TACC2: variants seen among roughly 807,000 people sequenced by gnomAD.
The protein encoded by TACC2 is transforming acidic coiled-coil containing protein 2, also known as transforming acidic coiled-coil-containing protein 2.
TACC2 carries 137 observed loss-of-function variants against 227.3 expected under a neutral mutation model. That is an observed-to-expected ratio of 0.60 (90% CI 0.52 to 0.69). The LOEUF is 0.69. TACC2 is among the 30% of genes least tolerant of loss of function. The pLI, the probability that TACC2 is intolerant of heterozygous loss-of-function variation, is 0.00. For missense variants in TACC2, 3,470 were observed against 3,694.4 expected (o/e 0.94, Z 1.57); for synonymous variants, 1,523 against 1,487.5 (o/e 1.02, Z -0.55).
chr10:122,035,075 G>T (rs1473671528), intron 2 of TACC2, among the ~76,000 whole-genome samples: 1 of 152,180 alleles, frequency 6.6e-6, no homozygotes, highest in African/African-American at 2.4e-5. Flanking sequence ...TTGGAGACAA[G>T]AAGCCATCTT....
chr10:122,183,714 T>C (rs1327677876), intron 7 of TACC2, among the ~76,000 whole-genome samples: 1 of 152,074 alleles, frequency 6.6e-6, no homozygotes, highest in Non-Finnish European at 1.5e-5. Context: ...GGAGACTGAT[T>C]TGCAAATAAG....
At chr10:122,237,562 A>G in intron 17 of TACC2, 24 bp downstream of exon 17, 1 of 1,594,964 alleles carries the variant, frequency 6.3e-7, no homozygotes, top group Non-Finnish European at 8.6e-7. Context: ...TGGTGTAATT[A>G]CCCTCTTCCT....
intron 8 of TACC2, among the ~76,000 whole-genome samples, chr10:122,198,119 A>G (rs2094639062): frequency 6.6e-6 from 1 of 152,220 alleles, no homozygotes; most frequent in African/African-American, 2.4e-5. Flanking sequence ...CCTACATTTT[A>G]TAAAGCACTC....
At chr10:122,167,699 G>A (rs567391346) in intron 7 of TACC2, among the ~76,000 whole-genome samples, 5 of 152,238 alleles carry the variant, frequency 3.3e-5, no homozygotes, top group East Asian at 3.9e-4. Context: ...CTCCTGCCTC[G>A]CAGGGTTTTT....
rs1274364120 is a variant in TACC2 at position 121,989,393 on chromosome 10, T to G, written c.-141T>G. The G allele has an allele frequency of 6.6e-6, 1 of 152,260 alleles. No homozygotes were observed. Among genetic ancestry groups the G allele is most frequent in the African/African-American group, 2.4e-5 (1 of 41,456 alleles). The allele number at this position is 152,260 out of a possible 1,614,324, so 9.4% of individuals were successfully genotyped here. On this transcript the variant is annotated 5_prime_UTR_variant, in exon 1 of 23. Coordinates refer to ENST00000369005, the MANE Select transcript of TACC2 (RefSeq NM_206862.4). ...AGTTATCTTGGTTTCTTACTCTACCTTATGCCCCTTGGGCGAATTTTTTCC... is the reference window on the plus strand; with the variant it reads ...AGTTATCTTGGTTTCTTACTCTACCGTATGCCCCTTGGGCGAATTTTTTCC...
intron 9 of TACC2, chr10:122,213,198 A>G: frequency 1.3e-6 from 1 of 778,064 alleles, no homozygotes; most frequent in Non-Finnish European, 2.1e-6. Context: ...GCTGTTCCCC[A>G]GCAGCTCCTT....
chr10:122,120,968 G>T (rs774369539), intron 5 of TACC2, among the ~76,000 whole-genome samples: 5 of 152,156 alleles, frequency 3.3e-5, no homozygotes, highest in Non-Finnish European at 7.3e-5. Flanking sequence ...GTTTCGCCTT[G>T]TTGGCCAGGC....
rs148462201 is a variant in TACC2 at position 122,086,058 on chromosome 10, C to T, written c.3558C>T (p.Pro1186=). 176 of 1,613,818 alleles carry T rather than the reference C, an allele frequency of 1.1e-4. 1 individual carries two copies. In the African/African-American group the frequency reaches 2.0e-3, roughly 19 times the overall value. ...GTGAGTCCTGCCAAGCTGAGCACCC[C>T]ATGGCCAGCTGCCAGGATGCCTTGC... ...ALRESCQAEH[P]MASCQDALLP... The change falls in exon 4 of 23, where the codon CCC becomes CCT. Residue 1186 remains proline (P), a synonymous_variant. Transcript: ENST00000369005.
At chr10:122,081,790 GAAATTCC>G (rs1458378762) in intron 3 of TACC2, among the ~76,000 whole-genome samples, 2 of 152,162 alleles carry the variant, frequency 1.3e-5, no homozygotes, top group African/African-American at 4.8e-5. Flanking sequence ...GTCACGTGCG[GAAATTCC>G]ATAGCCAAAT....
intron 5 of TACC2, among the ~76,000 whole-genome samples, chr10:122,121,094 T>C (rs1002544320): frequency 2.0e-5 from 3 of 152,250 alleles, no homozygotes; most frequent in Admixed American, 2.0e-4. Context: ...CCAGTTGATA[T>C]TCACATAGAG....
At chr10:122,146,650 C>T (rs1233350702) in intron 7 of TACC2, among the ~76,000 whole-genome samples, 3 of 152,082 alleles carry the variant, frequency 2.0e-5, no homozygotes, top group Non-Finnish European at 4.4e-5. Flanking sequence ...AGATGCTGCC[C>T]CTTGACCTTT....
chr10:122,175,664 G>C (rs2093661986), intron 7 of TACC2, among the ~76,000 whole-genome samples: 1 of 152,216 alleles, frequency 6.6e-6, no homozygotes, highest in African/African-American at 2.4e-5. Flanking sequence ...CGAAGGTGTA[G>C]GGGTGACCAG....
intron 2 of TACC2, among the ~76,000 whole-genome samples, chr10:122,049,385 C>T (rs1258547428): frequency 6.6e-6 from 1 of 152,238 alleles, no homozygotes; most frequent in African/African-American, 2.4e-5. Context: ...TAGAACCCCC[C>T]ACCAGAACTG....
chr10:122,124,653 G>T (rs529406276), intron 5 of TACC2, among the ~76,000 whole-genome samples: 1 of 152,158 alleles, frequency 6.6e-6, no homozygotes, highest in Non-Finnish European at 1.5e-5. Context: ...AGCTCCATGT[G>T]TGCTGGGGAG....
chr10:122,169,760 C>CT (rs947107999), intron 7 of TACC2, among the ~76,000 whole-genome samples: 6 of 151,782 alleles, frequency 4.0e-5, no homozygotes, highest in South Asian at 2.1e-4. Context: ...TGTAATTTTC[C>CT]TTTTTTTTGA....
At chr10:122,039,448 C>G (rs1212632757) in intron 2 of TACC2, among the ~76,000 whole-genome samples, 1 of 152,016 alleles carries the variant, frequency 6.6e-6, no homozygotes, top group Non-Finnish European at 1.5e-5. Context: ...GGCTGCTGAT[C>G]TGAGTGCAGA....
chr10:121,998,137 C>T (rs554622126), intron 1 of TACC2, among the ~76,000 whole-genome samples: 5 of 151,906 alleles, frequency 3.3e-5, no homozygotes, highest in Admixed American at 2.6e-4. Flanking sequence ...TGGTGAAACC[C>T]GTCTCTACTA....
At chr10:122,107,880 A>ATATT (rs1555034132) in intron 5 of TACC2, among the ~76,000 whole-genome samples, 12 of 102,276 alleles carry the variant, frequency 1.2e-4, no homozygotes, top group South Asian at 3.3e-4. Context: ...ATATATATAT[A>ATATT]TTTTTTTTTT....
chr10:122,220,870 G>T (rs2095510139), intron 11 of TACC2, among the ~76,000 whole-genome samples: 1 of 152,170 alleles, frequency 6.6e-6, no homozygotes, highest in Admixed American at 6.5e-5. Context: ...TAGGAACAAG[G>T]ATACAGAGGC....
Sources: gnomAD v4.1 joint callset for allele counts (sites outside exome capture counted in the v4.1 genomes callset) on GRCh38, gnomAD v4.1.1 for gene constraint, MANE v1.5 for transcripts, NCBI Gene and HGNC (gene_info 2026-07-23, HGNC 2026-07-21) for gene names.